ADCY8: variants seen among roughly 807,000 people sequenced by gnomAD.
ADCY8 encodes adenylate cyclase type 8.
A neutral mutation model predicts 119.7 loss-of-function variants in ADCY8; 51 were observed. That is an observed-to-expected ratio of 0.43 (90% CI 0.34 to 0.54). The LOEUF (loss-of-function observed/expected upper bound fraction) is 0.54, where lower values mean the gene tolerates loss of function less well. ADCY8 is among the 20% of genes least tolerant of loss of function. ADCY8 has a pLI of 0.03. For synonymous variants in ADCY8, 665 were observed against 651.0 expected, an observed-to-expected ratio of 1.02 and a Z score of -0.33; for missense variants, 1,383 against 1,598.8, an observed-to-expected ratio of 0.87 and a Z score of 2.30.
chr8:131,015,648 AT>A (rs1293385350), intron 1 of ADCY8, among the ~76,000 whole-genome samples: 2 of 152,226 alleles, frequency 1.3e-5, no homozygotes, highest in Non-Finnish European at 2.9e-5. Flanking sequence ...TACTCTAAAA[AT>A]AGTAGTTAAA....
chr8:130,849,308 T>G (rs2130313188), intron 10 of ADCY8, among the ~76,000 whole-genome samples: 2 of 152,336 alleles, frequency 1.3e-5, no homozygotes. Flanking sequence ...TGATACATGG[T>G]AACTCTTATT....
At chr8:131,001,202 T>C (rs559346059) in intron 1 of ADCY8, among the ~76,000 whole-genome samples, 1 of 152,212 alleles carries the variant, frequency 6.6e-6, no homozygotes, top group South Asian at 2.1e-4. Flanking sequence ...CTATTCCGCC[T>C]CAAAGCCTGA....
At chr8:131,004,129 G>T (rs1392699458) in intron 1 of ADCY8, among the ~76,000 whole-genome samples, 2 of 152,154 alleles carry the variant, frequency 1.3e-5, no homozygotes, top group Non-Finnish European at 2.9e-5. Context: ...TCCTTGAGCA[G>T]GTGAGAGGGT....
intron 8 of ADCY8, among the ~76,000 whole-genome samples, chr8:130,880,076 A>G (rs1462697348): frequency 6.6e-6 from 1 of 152,126 alleles, no homozygotes; most frequent in Non-Finnish European, 1.5e-5. Flanking sequence ...GCCACATAAG[A>G]TGTGACTTGC....
intron 2 of ADCY8, among the ~76,000 whole-genome samples, chr8:130,958,935 C>G (rs1821517488): frequency 6.6e-6 from 1 of 151,442 alleles, no homozygotes; most frequent in Non-Finnish European, 1.5e-5. Context: ...TACCTTTTGT[C>G]TCTTTTGTTC....
At chr8:130,995,722 T>C (rs1822752233) in intron 1 of ADCY8, among the ~76,000 whole-genome samples, 1 of 152,168 alleles carries the variant, frequency 6.6e-6, no homozygotes, top group African/African-American at 2.4e-5. Context: ...ATTATAGTTT[T>C]CTCGGATAGA....
At chr8:130,819,042 T>C (rs1404786605) in intron 13 of ADCY8, among the ~76,000 whole-genome samples, 1 of 152,238 alleles carries the variant, frequency 6.6e-6, no homozygotes, top group East Asian at 1.9e-4. Flanking sequence ...GGGATAAGTA[T>C]ATTACAATTA....
intron 16 of ADCY8, 55 bp downstream of exon 16, chr8:130,785,328 A>G (rs1815216712): frequency 7.7e-7 from 1 of 1,295,660 alleles, no homozygotes; most frequent in African/African-American, 1.5e-5. Context: ...CGTCGGTGAC[A>G]TGACAACAGC....
At chr8:130,985,556 T>C (rs1409714136) in intron 2 of ADCY8, among the ~76,000 whole-genome samples, 1 of 152,120 alleles carries the variant, frequency 6.6e-6, no homozygotes, top group Non-Finnish European at 1.5e-5. Context: ...GTTTTTGGAG[T>C]ATAATGAGAA....
chr8:130,797,197 T>A (rs1316055537), intron 15 of ADCY8, among the ~76,000 whole-genome samples: 1 of 152,204 alleles, frequency 6.6e-6, no homozygotes, highest in Non-Finnish European at 1.5e-5. Context: ...CAACACAAAT[T>A]TGTAAACTGT....
At chr8:130,981,972 A>G (rs1027967476) in intron 2 of ADCY8, among the ~76,000 whole-genome samples, 1 of 152,206 alleles carries the variant, frequency 6.6e-6, no homozygotes, top group African/African-American at 2.4e-5. Flanking sequence ...CAGATGTTGA[A>G]TCTAAGGTTG....
intron 10 of ADCY8, 53 bp downstream of exon 10, chr8:130,849,549 C>T: frequency 2.5e-6 from 4 of 1,589,126 alleles, no homozygotes; most frequent in Non-Finnish European, 3.5e-6. Context: ...CCATAAACTT[C>T]ATGCTCAACT....
chr8:131,039,520 C>T lies in ADCY8; in HGVS notation c.814G>A (p.Gly272Ser). Residue 272 changes from glycine to serine, a missense_variant, in exon 1 of 18, where the codon GGC becomes AGC. By Grantham distance (56) the Gly-to-Ser change is moderately conservative. This residue lies in a region of ADCY8 where 455 missense variants were observed against 435.3 expected (regional missense o/e 1.05). Coordinates refer to ENST00000286355, the MANE Select transcript of ADCY8 (RefSeq NM_001115.3). ...GCGAAGAGCGTGAAGAGCACGTAGC[C>T]TATGCCGTCGCCCAGGAGCCCGTAG... Reference protein sequence around the residue: ...LGYGLLGDGIGYVLFTLFATY... With the variant: ...LGYGLLGDGISYVLFTLFATY... 1 of 1,613,942 alleles carries T rather than the reference C, an allele frequency of 6.2e-7. No individual in the cohort carries two copies. The highest frequency in any genetic ancestry group is 8.5e-7 in the Non-Finnish European group (1 of 1,180,034).
intron 5 of ADCY8, among the ~76,000 whole-genome samples, chr8:130,921,357 A>G (rs762964749): frequency 9.2e-5 from 14 of 151,894 alleles, no homozygotes; most frequent in Admixed American, 2.0e-4. Context: ...GTATTCTACT[A>G]TGTATACTTT....
intron 4 of ADCY8, among the ~76,000 whole-genome samples, 179 bp from the exon 5 acceptor site, chr8:130,937,379 G>A (rs1207217361): frequency 6.6e-6 from 1 of 152,130 alleles, no homozygotes; most frequent in Non-Finnish European, 1.5e-5. Flanking sequence ...CCTAAATGGG[G>A]GTTTGAAGGA....
chr8:130,825,416 A>T (rs1213361447), intron 12 of ADCY8, among the ~76,000 whole-genome samples: 3 of 152,282 alleles, frequency 2.0e-5, no homozygotes, highest in Non-Finnish European at 4.4e-5. Context: ...TGCATCACTT[A>T]TCTTAATTCT....
intron 8 of ADCY8, among the ~76,000 whole-genome samples, chr8:130,880,181 T>G (rs1818717649): frequency 6.6e-6 from 1 of 152,146 alleles, no homozygotes; most frequent in South Asian, 2.1e-4. Flanking sequence ...TGCCCCATCT[T>G]AGGTATGTCT....
At chr8:130,921,482 C>T (rs1364561678) in intron 5 of ADCY8, among the ~76,000 whole-genome samples, 10 of 111,820 alleles carry the variant, frequency 8.9e-5, no homozygotes, top group East Asian at 7.7e-4. Context: ...CAGAGTTTTG[C>T]TCTTATTGCC....
At chr8:131,026,026 T>C (rs769838109) in intron 1 of ADCY8, among the ~76,000 whole-genome samples, 7 of 152,364 alleles carry the variant, frequency 4.6e-5, no homozygotes, top group East Asian at 1.9e-4. Flanking sequence ...CACACTGTGG[T>C]ACTCCATAAA....
Sources: allele counts gnomAD v4.1 joint callset (sites outside exome capture counted in the v4.1 genomes callset), GRCh38; gene constraint gnomAD v4.1.1; regional missense constraint gnomAD v4.1.1; transcripts MANE v1.5; gene names NCBI Gene and HGNC (gene_info 2026-07-23, HGNC 2026-07-21).